WDR43: variants seen among roughly 807,000 people sequenced by gnomAD.
The protein encoded by WDR43 is WD repeat-containing protein 43.
In WDR43, 13 loss-of-function variants were observed where a neutral mutation model predicts 91.4. That is an observed-to-expected ratio of 0.14 (90% CI 0.09 to 0.23). The LOEUF is 0.23. WDR43 is among the 10% of genes least tolerant of loss of function. WDR43 has a pLI of 1.00. For synonymous variants in WDR43, 331 were observed against 287.9 expected (o/e 1.15, Z -1.51); for missense variants, 780 against 809.4 (o/e 0.96, Z 0.44).
At chr2:28,929,996 C>T in intron 11 of WDR43, 1 of 530,042 alleles carries the variant, frequency 1.9e-6, no homozygotes, top group Non-Finnish European at 3.7e-6. Context: ...CCTTTATAAA[C>T]ATAGTGTAGC....
chr2:28,898,958 T>C (rs1172129178), intron 1 of WDR43, among the ~76,000 whole-genome samples: 3 of 152,246 alleles, frequency 2.0e-5, no homozygotes, highest in Non-Finnish European at 4.4e-5. Context: ...ACATGTGCCA[T>C]TCAGATTCTC....
At chr2:28,937,823 C>T in intron 13 of WDR43, 108 bp from the exon 14 acceptor site, 2 of 1,022,372 alleles carry the variant, frequency 2.0e-6, no homozygotes, top group Non-Finnish European at 1.5e-6. Context: ...GTCATTTTCA[C>T]AGAGCAACAT....
intron 6 of WDR43, 64 bp from the exon 7 acceptor site, chr2:28,922,855 T>G (rs1671060459): frequency 7.9e-7 from 1 of 1,271,804 alleles, no homozygotes; most frequent in South Asian, 1.7e-5. Flanking sequence ...TGAGTTTTCA[T>G]AAGGTAGATT....
intron 4 of WDR43, 144 bp from the exon 5 acceptor site, chr2:28,913,925 C>A: frequency 2.1e-6 from 2 of 956,460 alleles, no homozygotes; most frequent in Non-Finnish European, 3.1e-6. Context: ...ACCTTATTTG[C>A]TTAGAATTGA....
chr2:28,944,613 A>G (rs577909751), intron 16 of WDR43, among the ~76,000 whole-genome samples: 2 of 152,350 alleles, frequency 1.3e-5, no homozygotes, highest in African/African-American at 2.4e-5. Context: ...ATAACACTAC[A>G]TTGGTGAGAG....
At chr2:28,944,444 G>C (rs1014842166) in intron 16 of WDR43, among the ~76,000 whole-genome samples, 4 of 152,150 alleles carry the variant, frequency 2.6e-5, no homozygotes, top group African/African-American at 9.7e-5. Context: ...GAATGTGAAA[G>C]CATTTTAAGG....
Position 28,927,575 on chromosome 2 carries a change from A to G in WDR43, c.1180A>G (p.Thr394Ala), listed in dbSNP as rs1558379178. 3 of 1,613,802 alleles carry G rather than the reference A, an allele frequency of 1.9e-6. No homozygotes were observed. The highest frequency in any genetic ancestry group is 2.5e-6 in the Non-Finnish European group (3 of 1,179,824). The change falls in exon 10 of 18, where the codon ACA (threonine) becomes GCA (alanine). Residue 394 changes from threonine (T) to alanine (A), a missense_variant. By Grantham distance (58) the Thr-to-Ala change is moderately conservative. Coordinates refer to ENST00000407426, the MANE Select transcript of WDR43 (RefSeq NM_015131.3). ...GGCTATTCCTGTTGAACAGGTGAGG[A>G]CACCAGTGATGAATTCTGAAGCAAA... is the stretch of plus-strand genomic sequence containing the variant. ...KVETAITKVRTPVMNSEAKVL... is the reference protein window; with the variant it reads ...KVETAITKVRAPVMNSEAKVL...
In WDR43 at chr2:28,922,953, A is replaced by G; in HGVS notation, c.884A>G (p.Gln295Arg). The G allele has an allele frequency of 1.2e-6, 2 of 1,612,018 alleles. 1 individual carries two copies. The highest frequency in any genetic ancestry group is 2.2e-5 in the South Asian group (2 of 90,484). ...VKLAVVCRDG[Q>R]VHLFEHILNG... ...TTGGCTGTTGTTTGCAGAGATGGTC[A>G]AGTCCATCTTTTTGAACACATATTA... Residue 295 changes from glutamine to arginine, a missense_variant, in exon 7 of 18, where the codon CAA becomes CGA. Coordinates refer to ENST00000407426, the MANE Select transcript of WDR43 (RefSeq NM_015131.3).
At chr2:28,897,189 C>T (rs769747745) in intron 1 of WDR43, among the ~76,000 whole-genome samples, 1 of 152,096 alleles carries the variant, frequency 6.6e-6, no homozygotes, top group Non-Finnish European at 1.5e-5. Context: ...ATCAGTTTGA[C>T]TTATAAACTA....
At chr2:28,897,030 A>G (rs1423744991) in intron 1 of WDR43, among the ~76,000 whole-genome samples, 2 of 152,176 alleles carry the variant, frequency 1.3e-5, no homozygotes, top group Non-Finnish European at 2.9e-5. Context: ...TTAATAACCA[A>G]TAAAGGAGTG....
intron 13 of WDR43, 79 bp from the exon 14 acceptor site, chr2:28,937,852 C>A: frequency 7.4e-7 from 1 of 1,358,158 alleles, no homozygotes; most frequent in Non-Finnish European, 1.0e-6. Context: ...CTTCACTTGT[C>A]TGTCTGGGTT....
At chr2:28,896,135 TGCTTATC>T (rs1670476433) in intron 1 of WDR43, among the ~76,000 whole-genome samples, 5 of 152,220 alleles carry the variant, frequency 3.3e-5, no homozygotes, top group Non-Finnish European at 5.9e-5. Flanking sequence ...TACAGCGCTC[TGCTTATC>T]TTTTATTTTC....
intron 13 of WDR43, among the ~76,000 whole-genome samples, chr2:28,937,719 C>T (rs920455662): frequency 6.6e-6 from 1 of 152,080 alleles, no homozygotes; most frequent in African/African-American, 2.4e-5. Context: ...TCTGATGTGG[C>T]CCCCAATCCC....
At chr2:28,942,715 A>G (rs1162430548) in intron 16 of WDR43, among the ~76,000 whole-genome samples, 4 of 151,366 alleles carry the variant, frequency 2.6e-5, no homozygotes, top group African/African-American at 7.3e-5. Flanking sequence ...CCTGGGCTCA[A>G]TGCAATCTTC....
intron 8 of WDR43, among the ~76,000 whole-genome samples, chr2:28,925,394 GT>G (rs1671109323): frequency 6.6e-6 from 1 of 152,068 alleles, no homozygotes; most frequent in South Asian, 2.1e-4. Flanking sequence ...TTGGTACTAT[GT>G]TTTAAAAATC....
In WDR43 at chr2:28,925,083, G is replaced by T; in HGVS notation, c.1016G>T (p.Gly339Val). Residue 339 changes from glycine (G) to valine (V), a missense_variant, in exon 8 of 18, where the codon GGT (glycine) becomes GTT (valine). By Grantham distance (109) the Gly-to-Val change is moderately radical. This residue lies in a region of WDR43 where 426 missense variants were observed against 467.8 expected (regional missense o/e 0.91). Coordinates refer to ENST00000407426, the MANE Select transcript of WDR43 (RefSeq NM_015131.3). Reference sequence around the variant, plus strand: ...AAACCCATCCCTATTCTAGCTGCTGGTTTTTGCTCAGACAAAATGTCATTG... The same window carrying T: ...AAACCCATCCCTATTCTAGCTGCTGTTTTTTGCTCAGACAAAATGTCATTG... ...TPKPIPILAA[G>V]FCSDKMSLLL... is the part of the protein sequence containing the mutation. 1 of 1,613,958 alleles carries T rather than the reference G, an allele frequency of 6.2e-7. No homozygotes were observed.
intron 6 of WDR43, among the ~76,000 whole-genome samples, chr2:28,922,449 G>T (rs1671048287): frequency 1.3e-5 from 2 of 152,192 alleles, no homozygotes; most frequent in South Asian, 4.1e-4. Context: ...TGGAGGGAGA[G>T]AGGCAGCGAG....
chr2:28,902,091 C>T lies in WDR43; in HGVS notation c.330C>T (p.Ser110=), dbSNP rs1166058027. 4 of 1,600,474 alleles carry T rather than the reference C, an allele frequency of 2.5e-6. No homozygotes were observed. The East Asian group carries it at 6.7e-5, about 27-fold the overall frequency. Residue 110 remains serine (S), a synonymous_variant, in exon 2 of 18, where the codon AGC becomes AGT. Transcript: ENST00000407426. The stretch of plus-strand genomic sequence containing the variant: ...CAGTTGGTAGCATTTTATTATACAG[C>T]ACAGTAAAAGGAGAGTTACACAGTA... The part of the protein sequence containing the change: ...GTAVGSILLY[S]TVKGELHSKL...
chr2:28,934,556 CTG>C (rs1418722877), intron 11 of WDR43, among the ~76,000 whole-genome samples: 1 of 152,184 alleles, frequency 6.6e-6, no homozygotes, highest in African/African-American at 2.4e-5. Context: ...GCTGACTCCT[CTG>C]TTTATTATCA....
Sources: gnomAD v4.1 joint callset for allele counts (sites outside exome capture counted in the v4.1 genomes callset) on GRCh38, gnomAD v4.1.1 for gene constraint, gnomAD v4.1.1 regional missense constraint, MANE v1.5 for transcripts, NCBI Gene and HGNC (gene_info 2026-07-23, HGNC 2026-07-21) for gene names.